Variants in TRIM29 observed in about 807,000 individuals in gnomAD.
TRIM29 encodes tripartite motif containing 29, also known as tripartite motif-containing protein 29.
Under a neutral mutation model 57.3 loss-of-function variants are expected in TRIM29, and 52 were observed. The ratio of observed to expected loss-of-function variants is 0.91; its 90% CI spans 0.73 to 1.14. TRIM29 has a LOEUF of 1.14. Among genes scored for constraint, TRIM29 ranks in the 50% most tolerant of loss-of-function variants. TRIM29 has a pLI of 0.00. For missense variants in TRIM29, 753 were observed against 774.6 expected (o/e 0.97, Z 0.33); for synonymous variants, 319 against 316.9 (o/e 1.01, Z -0.07).
intron 8 of TRIM29, among the ~76,000 whole-genome samples, chr11:120,113,282 A>G (rs1863181612): frequency 1.3e-5 from 2 of 152,108 alleles, no homozygotes; most frequent in African/African-American, 4.8e-5. Flanking sequence ...TTCTCCATGT[A>G]TTGTATCTCC....
chr11:120,120,033 T>A (rs991343453), intron 6 of TRIM29, among the ~76,000 whole-genome samples: 3 of 152,066 alleles, frequency 2.0e-5, no homozygotes, highest in African/African-American at 7.2e-5. Context: ...CACCTGGAGC[T>A]CCAGGGCCAG....
In TRIM29 at chr11:120,137,107, G is replaced by C; in HGVS notation, c.804+121C>G. The C allele has an allele frequency of 9.2e-7, 1 of 1,087,806 alleles. No individual in the cohort carries two copies. The highest frequency in any genetic ancestry group is 1.3e-6 in the Non-Finnish European group (1 of 763,098). 67.4% of individuals were successfully genotyped at this position (1,087,806 alleles called of 1,614,324 possible). ...GGGGAAATAAATGTTTTCTAAAAGA[G>C]CCAAGGACAGTAGAAACTTAAGCCC... On this transcript the variant is annotated intron_variant, in intron 1 of 8. Coordinates refer to ENST00000341846, the MANE Select transcript of TRIM29 (RefSeq NM_012101.4). This position sits in a 1 kb window ranked among gnomAD's most constrained non-coding sequence, Gnocchi z 6.2.
chr11:120,132,588 C>T (rs1365850083), intron 1 of TRIM29, among the ~76,000 whole-genome samples: 4 of 152,170 alleles, frequency 2.6e-5, no homozygotes, highest in Non-Finnish European at 4.4e-5. Context: ...TCAACCTGGA[C>T]GTGGTCTTCA....
At chr11:120,133,249 A>G (rs952527477) in intron 1 of TRIM29, among the ~76,000 whole-genome samples, 11 of 152,258 alleles carry the variant, frequency 7.2e-5, no homozygotes, top group Non-Finnish European at 1.2e-4. Context: ...GGACTCGGTG[A>G]TCTCAAGAAG....
intron 1 of TRIM29, among the ~76,000 whole-genome samples, chr11:120,134,813 C>T (rs1291145628): frequency 6.6e-6 from 1 of 152,226 alleles, no homozygotes; most frequent in Admixed American, 6.5e-5. Flanking sequence ...AAACAAGGAC[C>T]TTGGACAGGC....
chr11:120,129,514 C>G (rs1037736479), intron 1 of TRIM29, among the ~76,000 whole-genome samples: 3 of 152,286 alleles, frequency 2.0e-5, no homozygotes, highest in Non-Finnish European at 4.4e-5. Context: ...CTTTCTCTGG[C>G]CATCACCTTG....
intron 8 of TRIM29, chr11:120,113,468 A>C (rs1039865177): frequency 2.6e-5 from 9 of 344,944 alleles, no homozygotes; most frequent in African/African-American, 1.5e-4. Context: ...GCTGGGTCAG[A>C]GACTGAGCCC....
intron 1 of TRIM29, among the ~76,000 whole-genome samples, chr11:120,132,325 G>A (rs1863737546): frequency 6.6e-6 from 1 of 151,898 alleles, no homozygotes; most frequent in South Asian, 2.1e-4. Flanking sequence ...TGGCTGACAG[G>A]GCCTCTGATC....
intron 2 of TRIM29, among the ~76,000 whole-genome samples, chr11:120,127,912 G>T (rs961303155): frequency 1.3e-4 from 20 of 152,128 alleles, no homozygotes; most frequent in Admixed American, 1.0e-3. Context: ...ACATTATTCA[G>T]AAAATGAATG....
chr11:120,121,270 C>T, intron 5 of TRIM29: 1 of 212,986 alleles, frequency 4.7e-6, no homozygotes, highest in South Asian at 8.0e-5. Context: ...CTGATGCCCT[C>T]TGCCCTTCGC....
intron 7 of TRIM29, chr11:120,117,921 G>C (rs1303683028): frequency 2.5e-6 from 1 of 397,602 alleles, no homozygotes; most frequent in Non-Finnish European, 4.6e-6. Flanking sequence ...GGATCAGAGA[G>C]GTCGAGTGCA....
At chr11:120,131,796 A>G (rs1474727564) in intron 1 of TRIM29, among the ~76,000 whole-genome samples, 2 of 150,932 alleles carry the variant, frequency 1.3e-5, no homozygotes, top group Admixed American at 1.3e-4. Context: ...GAAGTAATAT[A>G]ACATGGGAAG....
chr11:120,127,703 T>C (rs1359663325), intron 2 of TRIM29, 134 bp from the exon 3 acceptor site: 1 of 777,230 alleles, frequency 1.3e-6, no homozygotes. Context: ...CAAGCCTATT[T>C]GGCCAAGAAT....
At chr11:120,115,589 T>G (rs1298523948) in intron 7 of TRIM29, 175 bp from the exon 8 acceptor site, 1 of 601,520 alleles carries the variant, frequency 1.7e-6, no homozygotes, top group African/African-American at 1.9e-5. Context: ...CCGAAAATCC[T>G]GGGGAGGCTG....
At position 120,125,741 on chromosome 11, in the gene TRIM29, C is replaced by T; in HGVS notation, c.1283G>A (p.Cys428Tyr). Residue 428 changes from cysteine to tyrosine, a missense_variant, in exon 4 of 9, where the codon TGC becomes TAC. By Grantham distance (194) the Cys-to-Tyr change is radical. Transcript: ENST00000341846. ...GAAGTTACGGCTCAGGTCCGCCTTG[C>T]ACATCTTCTCAACGTGGCGCATGCA... ...NVCMRHVEKM[C>Y]KADLSRNFIE... is the part of the protein sequence containing the mutation. 3 of 1,614,202 alleles carry T rather than the reference C, an allele frequency of 1.9e-6. No individual in the cohort carries two copies. The highest frequency in any genetic ancestry group is 2.2e-5 in the East Asian group (1 of 44,890).
At position 120,137,787 on chromosome 11, in the gene TRIM29, A is replaced by C; in HGVS notation, c.245T>G (p.Phe82Cys). 3 of 1,612,392 alleles carry C rather than the reference A, an allele frequency of 1.9e-6. No homozygotes were observed. Among genetic ancestry groups the C allele is most frequent in the Non-Finnish European group, 2.5e-6 (3 of 1,180,008 alleles). The stretch of plus-strand genomic sequence containing the variant: ...GTTCTTGTCGTCCCCGGACTCGACA[A>C]ACTGGATGATGGGTCGCCGCCACTC... ...GNEWRRPIIQ[F>C]VESGDDKNSN... Residue 82 changes from phenylalanine to cysteine, a missense_variant, in exon 1 of 9, where the codon TTT becomes TGT. Phe to Cys is a radical substitution (Grantham distance 205). Coordinates refer to ENST00000341846, the MANE Select transcript of TRIM29 (RefSeq NM_012101.4). This position sits in a 1 kb window ranked among gnomAD's most constrained non-coding sequence, Gnocchi z 6.2.
chr11:120,115,329 T>C lies in TRIM29; in HGVS notation c.1704+9A>G, dbSNP rs748851249. ...TGTGCCCAGGCCCTCCCGGCAGCAC[T>C]TCCCTTACCAGCATAGTCTGCTTGC... is the stretch of plus-strand genomic sequence containing the variant. On this transcript the variant is annotated intron_variant, in intron 8 of 8. Transcript: ENST00000341846. The C allele has an allele frequency of 6.2e-7, 1 of 1,612,698 alleles. No individual in the cohort carries two copies. The highest frequency in any genetic ancestry group is 1.1e-5 in the South Asian group (1 of 90,562).
rs1471464428 is a variant in TRIM29 at position 120,137,753 on chromosome 11, G to A, written c.279C>T (p.Tyr93=). 1.9e-6 allele frequency: 3 copies of A among 1,612,418 alleles called. No individual in the cohort carries two copies. In the East Asian group the frequency reaches 6.7e-5, roughly 36 times the overall value. ...TGCCTTCCATAGAGTCCATGCTGAA[G>A]TAGTTGGAGTTCTTGTCGTCCCCGG... is the stretch of plus-strand genomic sequence containing the variant. The part of the protein sequence containing the change: ...VESGDDKNSN[Y]FSMDSMEGKR... Residue 93 remains tyrosine (Y), a synonymous_variant, in exon 1 of 9, where the codon TAC becomes TAT. Transcript: ENST00000341846. This position sits in a 1 kb window ranked among gnomAD's most constrained non-coding sequence, Gnocchi z 6.2.
chr11:120,118,253 C>A lies in TRIM29; in HGVS notation c.1597G>T (p.Val533Phe), dbSNP rs569897759. 3 of 1,613,888 alleles carry A rather than the reference C, an allele frequency of 1.9e-6. No homozygotes were observed. Among genetic ancestry groups the A allele is most frequent in the Admixed American group, 3.3e-5 (2 of 59,982 alleles). ...AGGGAGAAGGAGGAGCTGCCTTGGA[C>A]GACGGGCAGGTCATTGTCAGAGTTC... Reference protein sequence around the residue: ...IQNSDNDLPVVQGSSSFSLKG... With the variant: ...IQNSDNDLPVFQGSSSFSLKG... The change falls in exon 7 of 9, where the codon GTC becomes TTC. Residue 533 changes from valine (V) to phenylalanine (F), a missense_variant. Coordinates refer to ENST00000341846, the MANE Select transcript of TRIM29 (RefSeq NM_012101.4).
Sources: allele counts gnomAD v4.1 joint callset (sites outside exome capture counted in the v4.1 genomes callset), GRCh38; gene constraint gnomAD v4.1.1; non-coding constraint Gnocchi (gnomAD v3.1); transcripts MANE v1.5; gene names NCBI Gene and HGNC (gene_info 2026-07-23, HGNC 2026-07-21).